The following PTK6 variants were observed in gnomAD, a reference collection of about 807,000 sequenced individuals.
PTK6 encodes the protein protein-tyrosine kinase 6.
PTK6 carries 47 observed loss-of-function variants against 47.5 expected under a neutral mutation model. That is an observed-to-expected ratio of 0.99 (90% confidence interval 0.78 to 1.26). The LOEUF (loss-of-function observed/expected upper bound fraction) is 1.26. PTK6 is among the 50% of genes most tolerant of loss of function. PTK6 has a pLI of 0.00. For missense variants in PTK6, 618 were observed against 625.3 expected (o/e 0.99, Z 0.12); for synonymous variants, 287 against 276.5 (o/e 1.04, Z -0.38).
intron 5 of PTK6, among the ~76,000 whole-genome samples, chr20:63,531,164 G>C (rs2082616195): frequency 6.6e-6 from 1 of 152,172 alleles, no homozygotes; most frequent in South Asian, 2.1e-4. Flanking sequence ...GCTCACGCCT[G>C]TAATCCCAGC....
rs113332512 is a variant in PTK6, at chr20:63,533,154, G to T, written c.670+397C>A. Among the ~76,000 whole-genome samples the T allele has an allele frequency of 0.13, 19,328 of 150,932 alleles. 3,960 individuals carry two copies. The highest frequency in any genetic ancestry group is 0.44 in the African/African-American group (17,932 of 40,822). Reference sequence around the variant, plus strand: ...GCGATCTCAGCTCACTGCAATCTCCGCCTCCTGGGTTGAAGCGATTCTCCT... The same window carrying T: ...GCGATCTCAGCTCACTGCAATCTCCTCCTCCTGGGTTGAAGCGATTCTCCT... On this transcript the variant is annotated intron_variant, in intron 4 of 7. Coordinates refer to ENST00000542869, the MANE Select transcript of PTK6 (RefSeq NM_005975.4). This position sits in a 1 kb window ranked among gnomAD's most constrained non-coding sequence, Gnocchi z 4.0.
Position 63,529,281 on chromosome 20 carries a change from G to A in PTK6, c.*255C>T, listed in dbSNP as rs775946020. The A allele has an allele frequency of 7.9e-6, 3 of 378,198 alleles. No homozygotes were observed. Among genetic ancestry groups the A allele is most frequent in the Admixed American group, 4.5e-5 (1 of 22,438 alleles). The allele number at this position is 378,198 out of a possible 1,614,324, so 23.4% of individuals were successfully genotyped here. ...GTCCCCTCTGACCTCTGCTGGCTTCGTGTCAGTCTCCCGGATCTCATCTGC... is the reference window on the plus strand; with the variant it reads ...GTCCCCTCTGACCTCTGCTGGCTTCATGTCAGTCTCCCGGATCTCATCTGC... On this transcript the variant is annotated 3_prime_UTR_variant, in exon 8 of 8. Coordinates refer to ENST00000542869, the MANE Select transcript of PTK6 (RefSeq NM_005975.4). The surrounding 1 kb of genome is among the most constrained non-coding windows in gnomAD (Gnocchi z 5.6).
chr20:63,534,123 G>A (rs1288946871), intron 3 of PTK6, 29 bp downstream of exon 3: 7 of 1,517,522 alleles, frequency 4.6e-6, no homozygotes, highest in African/African-American at 1.4e-5. Flanking sequence ...GCCTGACCCC[G>A]CGTGACCAAG....
At chr20:63,531,719 AG>A (rs1418625134) in intron 5 of PTK6, among the ~76,000 whole-genome samples, 1 of 152,138 alleles carries the variant, frequency 6.6e-6, no homozygotes, top group Non-Finnish European at 1.5e-5. Context: ...CAGAAGGACC[AG>A]CGAAGAGGCT....
rs2082590367 is a variant in PTK6, at chr20:63,528,253, G to A, written c.*1283C>T. On this transcript the variant is annotated 3_prime_UTR_variant, in exon 8 of 8. Transcript: ENST00000542869. ...AAATAGAACCTCCAGAAGACTTAGT[G>A]TGACTTACTATTTCACACGCTTTCC... 2 of 152,280 alleles carry A rather than the reference G, an allele frequency of 1.3e-5. No homozygotes were observed. Among genetic ancestry groups the A allele is most frequent in the South Asian group, 4.2e-4 (2 of 4,818 alleles). 9.4% of individuals were successfully genotyped at this position (152,280 alleles called of 1,614,324 possible).
intron 5 of PTK6, 150 bp from the exon 6 acceptor site, chr20:63,531,077 T>G: frequency 1.4e-6 from 1 of 738,222 alleles, no homozygotes; most frequent in South Asian, 2.2e-5. Context: ...TGATTGAAAA[T>G]TGGAACTGCA....
At chr20:63,535,193 G>A (rs945262374) in intron 1 of PTK6, 134 bp from the exon 2 acceptor site, 1 of 1,262,790 alleles carries the variant, frequency 7.9e-7, no homozygotes, top group Non-Finnish European at 1.1e-6. Context: ...GACCACAGCT[G>A]CTCTCAGGAG....
At position 63,528,125 on chromosome 20, in the gene PTK6, C is replaced by G. The variant is rs1050793861; in HGVS notation, c.*1411G>C. On this transcript the variant is annotated 3_prime_UTR_variant, in exon 8 of 8. Coordinates refer to ENST00000542869, the MANE Select transcript of PTK6 (RefSeq NM_005975.4). ...TGACTGATAACATTGCACCAGATTT[C>G]TAGGAATAGCATGTGAGATAGGATA... The G allele has an allele frequency of 1.3e-5, 2 of 152,132 alleles. No individual in the cohort carries two copies. Among genetic ancestry groups the G allele is most frequent in the African/African-American group, 4.8e-5 (2 of 41,430 alleles). 9.4% of individuals were successfully genotyped at this position (152,132 alleles called of 1,614,324 possible). A position where few individuals can be genotyped will look rare whatever the true frequency, so the allele number is the denominator to read the frequency against.
rs1479120086 is a variant in PTK6, at chr20:63,530,630, G to A, written c.1014+116C>T. The A allele has an allele frequency of 1.1e-5, 15 of 1,309,682 alleles. No homozygotes were observed. In the East Asian group the frequency reaches 1.8e-4, roughly 15 times the overall value. 81.1% of individuals were successfully genotyped at this position (1,309,682 alleles called of 1,614,324 possible). A position where few individuals can be genotyped will look rare whatever the true frequency, so the allele number is the denominator to read the frequency against. On this transcript the variant is annotated intron_variant, in intron 6 of 7. Coordinates refer to ENST00000542869, the MANE Select transcript of PTK6 (RefSeq NM_005975.4). The surrounding 1 kb of genome is among the most constrained non-coding windows in gnomAD (Gnocchi z 4.1). ...ACCTCCCTGCCCAGCCTGGGCTCCC[G>A]AGGGCAGGGGCCGCATCCTGCTCCC...
intron 5 of PTK6, among the ~76,000 whole-genome samples, chr20:63,531,778 G>A (rs1600933237): frequency 6.6e-6 from 1 of 152,256 alleles, no homozygotes; most frequent in East Asian, 1.9e-4. Context: ...GAGAATGGCT[G>A]TCAGCGGCTT....
chr20:63,531,784 G>A (rs1325602425), intron 5 of PTK6, among the ~76,000 whole-genome samples: 1 of 152,230 alleles, frequency 6.6e-6, no homozygotes, highest in Non-Finnish European at 1.5e-5. Context: ...GGCTGTCAGC[G>A]GCTTGCGGCC....
In PTK6 at chr20:63,537,080, C is replaced by T. The variant is rs561998516; in HGVS notation, c.230+5G>A. 9.0e-5 allele frequency: 144 copies of T among 1,604,574 alleles called. 2 individuals carry two copies. In the Middle Eastern group the frequency reaches 4.3e-3, roughly 48 times the overall value. The stretch of plus-strand genomic sequence containing the variant: ...CCAAAGCTCCCAGCAGCCTAGGACA[C>T]GCACGGTTCCGACTCCACCGTCTCC... On this transcript the variant is annotated splice_donor_5th_base_variant and intron_variant, in intron 1 of 7. Transcript: ENST00000542869.
At position 63,533,102 on chromosome 20, in the gene PTK6, C is replaced by G. The variant is rs145176866; in HGVS notation, c.671-415G>C. 5.6e-4 allele frequency among the ~76,000 whole-genome samples: 84 copies of G among 149,998 alleles called. 1 individual carries two copies. The highest frequency in any genetic ancestry group is 2.0e-3 in the African/African-American group (79 of 40,106). ...TTTTTTCCCAAGACGGGGTCTTGCTCTGTCGCCCAGGCTGGAGTGCAATGG... is the reference window on the plus strand; with the variant it reads ...TTTTTTCCCAAGACGGGGTCTTGCTGTGTCGCCCAGGCTGGAGTGCAATGG... On this transcript the variant is annotated intron_variant, in intron 4 of 7. Transcript: ENST00000542869. This position sits in a 1 kb window ranked among gnomAD's most constrained non-coding sequence, Gnocchi z 4.0.
At chr20:63,536,965 A>T (rs1048993945) in intron 1 of PTK6, 120 bp downstream of exon 1, 13 of 1,066,370 alleles carry the variant, frequency 1.2e-5, no homozygotes, top group Non-Finnish European at 1.7e-5. Context: ...TTTGGGGTGC[A>T]GGAAGATGGA....
intron 5 of PTK6, among the ~76,000 whole-genome samples, chr20:63,531,443 T>A (rs1307098680): frequency 0.074 from 5,978 of 81,024 alleles, 642 homozygotes; most frequent in African/African-American, 0.24. Flanking sequence ...AAAAAATATA[T>A]ATATATATAT....
Position 63,534,172 on chromosome 20 carries a change from GC to G in PTK6, c.495del (p.Leu166TrpfsTer55). Reference protein sequence around the residue: ...HRAQSLSHGLRLAAPCRKHEP... With the variant: ...HRAQSLSHGLXLAAPCRKHEP... ...GCTACCTTCCGGCAGGGCGCGGCCA[GC>G]CGCAGGCCGTGGGACAGGCTCTGGG... On this transcript the variant is annotated frameshift_variant, in exon 3 of 8. Transcript: ENST00000542869. LOFTEE classifies it high-confidence loss of function. 6.4e-7 allele frequency: 1 copy of G among 1,558,206 alleles called. No individual in the cohort carries two copies. Among genetic ancestry groups the G allele is most frequent in the Non-Finnish European group, 8.7e-7 (1 of 1,152,464 alleles).
At position 63,528,018 on chromosome 20, in the gene PTK6, T is replaced by C. The variant is rs967081868; in HGVS notation, c.*1518A>G. The C allele has an allele frequency of 2.0e-5, 3 of 152,090 alleles. No homozygotes were observed. Among genetic ancestry groups the C allele is most frequent in the African/African-American group, 7.2e-5 (3 of 41,402 alleles). The allele number at this position is 152,090 out of a possible 1,614,324, so 9.4% of individuals were successfully genotyped here. A position where few individuals can be genotyped will look rare whatever the true frequency, so the allele number is the denominator to read the frequency against. On this transcript the variant is annotated 3_prime_UTR_variant, in exon 8 of 8. Transcript: ENST00000542869. ...GCCATGGCTCAGGATCTGATGAGAGTTTATTATATTCGTGACACGGTTGGC... is the reference window on the plus strand; with the variant it reads ...GCCATGGCTCAGGATCTGATGAGAGCTTATTATATTCGTGACACGGTTGGC...
Position 63,533,702 on chromosome 20 carries a change from G to A in PTK6, c.519C>T (p.His173=), listed in dbSNP as rs753815746. 8.7e-6 allele frequency: 14 copies of A among 1,610,974 alleles called. No individual in the cohort carries two copies. Among genetic ancestry groups the A allele is most frequent in the East Asian group, 6.7e-5 (3 of 44,754 alleles). Residue 173 remains histidine (H), a splice_region_variant and synonymous_variant, in exon 4 of 8, where the codon CAC becomes CAT. Transcript: ENST00000542869. This position sits in a 1 kb window ranked among gnomAD's most constrained non-coding sequence, Gnocchi z 4.0. ...GLRLAAPCRK[H]EPEPLPHWDD... is the part of the protein sequence containing the mutation. The stretch of plus-strand genomic sequence containing the variant: ...CCCAATGGGGCAGGGGCTCAGGCTC[G>A]TGCTGGAGGAAGAGTCGGGGACACA...
Position 63,530,130 on chromosome 20 carries a change from G to C in PTK6, c.1116C>G (p.Ser372=). ...ACATCTCATGCAGGAGAATCCCAAAGGACCAGACGTCGGATTTGGTGGAGT... is the reference window on the plus strand; with the variant it reads ...ACATCTCATGCAGGAGAATCCCAAACGACCAGACGTCGGATTTGGTGGAGT... ...GHYSTKSDVW[S]FGILLHEMFS... Residue 372 remains serine, a synonymous_variant, in exon 7 of 8, where the codon TCC becomes TCG. Transcript: ENST00000542869. The surrounding 1 kb of genome is among the most constrained non-coding windows in gnomAD (Gnocchi z 4.1). 6.2e-7 allele frequency: 1 copy of C among 1,614,128 alleles called. No individual in the cohort carries two copies. Among genetic ancestry groups the C allele is most frequent in the Non-Finnish European group, 8.5e-7 (1 of 1,180,018 alleles).
Sources: allele counts gnomAD v4.1 joint callset (sites outside exome capture counted in the v4.1 genomes callset), GRCh38; gene constraint gnomAD v4.1.1; non-coding constraint Gnocchi (gnomAD v3.1); transcripts MANE v1.5; gene names NCBI Gene and HGNC (gene_info 2026-07-23, HGNC 2026-07-21).